RAD51B: variants seen among roughly 807,000 people sequenced by gnomAD.
RAD51B encodes the protein RAD51 paralog B.
A neutral mutation model predicts 42.2 loss-of-function variants in RAD51B; 38 were observed. That is an observed-to-expected ratio of 0.90 (90% CI 0.70 to 1.18). The LOEUF (loss-of-function observed/expected upper bound fraction) is 1.18. Among genes scored for constraint, RAD51B ranks in the 50% most tolerant of loss-of-function variants. The pLI is 0.00. For missense variants in RAD51B, 373 were observed against 400.7 expected, an observed-to-expected ratio of 0.93 and a Z score of 0.59; for synonymous variants, 154 against 145.2, an observed-to-expected ratio of 1.06 and a Z score of -0.43.
Position 68,058,295 on chromosome 14 carries a change from C to A in RAD51B, c.756+171091C>A, listed in dbSNP as rs142172392. Among the ~76,000 whole-genome samples the A allele has an allele frequency of 7.2e-5, 11 of 152,136 alleles. No individual in the cohort carries two copies. In the East Asian group the frequency reaches 2.1e-3, roughly 29 times the overall value. On this transcript the variant is annotated intron_variant, in intron 7 of 10. Transcript: ENST00000471583. ...GTCACATACCTTTGACCCTTTTTGG[C>A]CTTTCCAGTAGAGGCCAACTATAGA...
rs1014942507 is a variant in RAD51B at position 67,935,938 on chromosome 14, CTGTT to C, written c.756+48739_756+48742del. Among the ~76,000 whole-genome samples the C allele has an allele frequency of 7.9e-4, 120 of 152,194 alleles. 1 individual carries two copies. The highest frequency in any genetic ancestry group is 2.9e-3 in the African/African-American group (119 of 41,532). On this transcript the variant is annotated intron_variant, in intron 7 of 10. Transcript: ENST00000471583. ...GAGGATAATGTCAGTAGGCCAACGTCTGTTTGTTGAATGCCAGAACTTTCATATT... is the reference window on the plus strand; with the variant it reads ...GAGGATAATGTCAGTAGGCCAACGTCTGTTGAATGCCAGAACTTTCATATT...
intron 7 of RAD51B, among the ~76,000 whole-genome samples, chr14:68,180,034 C>A (rs2079033087): frequency 6.6e-6 from 1 of 152,086 alleles, no homozygotes; most frequent in African/African-American, 2.4e-5. Context: ...TTTATTCCCC[C>A]CTTGCATTCT....
intron 7 of RAD51B, among the ~76,000 whole-genome samples, chr14:68,006,064 T>C (rs947707179): frequency 3.9e-5 from 6 of 152,142 alleles, no homozygotes; most frequent in African/African-American, 1.4e-4. Flanking sequence ...TGCTAAACCA[T>C]TTATGAAGGA....
intron 7 of RAD51B, among the ~76,000 whole-genome samples, chr14:68,087,103 C>T (rs1196561766): frequency 6.6e-6 from 1 of 151,318 alleles, no homozygotes; most frequent in Non-Finnish European, 1.5e-5. Context: ...CCATTGCACT[C>T]CAACCTGGGC....
chr14:68,298,072 C>T (rs1411201586), intron 8 of RAD51B, among the ~76,000 whole-genome samples: 1 of 152,194 alleles, frequency 6.6e-6, no homozygotes, highest in Non-Finnish European at 1.5e-5. Flanking sequence ...TAGCACTTGA[C>T]TGGGCATATG....
intron 10 of RAD51B, among the ~76,000 whole-genome samples, chr14:68,515,440 CTTCTTTTTTTTTTT>C (rs1032156744): frequency 3.9e-4 from 49 of 124,766 alleles, no homozygotes; most frequent in Non-Finnish European, 5.7e-4. Context: ...TCTTCTTCTT[CTTCTTTTTTTTTTT>C]TTTTTTTTTA....
At chr14:68,489,848 AAAAGT>A (rs1361935636) in intron 10 of RAD51B, among the ~76,000 whole-genome samples, 1 of 152,202 alleles carries the variant, frequency 6.6e-6, no homozygotes, top group Non-Finnish European at 1.5e-5. Context: ...CAACATTCAG[AAAAGT>A]AAAGAAAATA....
At chr14:67,907,483 T>C (rs896289473) in intron 7 of RAD51B, among the ~76,000 whole-genome samples, 16 of 152,138 alleles carry the variant, frequency 1.1e-4, no homozygotes, top group African/African-American at 3.9e-4. Context: ...CTCCATGATG[T>C]CTGAGGCCTC....
intron 7 of RAD51B, among the ~76,000 whole-genome samples, chr14:68,039,685 A>G (rs2076188548): frequency 6.6e-6 from 1 of 152,232 alleles, no homozygotes; most frequent in African/African-American, 2.4e-5. Context: ...CTTCAAGTAC[A>G]TCAGACATTA....
At chr14:67,831,101 G>A (rs1008254392) in intron 3 of RAD51B, among the ~76,000 whole-genome samples, 1 of 151,760 alleles carries the variant, frequency 6.6e-6, no homozygotes, top group Non-Finnish European at 1.5e-5. Flanking sequence ...TCTCGAACTC[G>A]TGACCTCAGG....
At chr14:67,949,882 A>G (rs956901529) in intron 7 of RAD51B, among the ~76,000 whole-genome samples, 4 of 152,180 alleles carry the variant, frequency 2.6e-5, no homozygotes, top group African/African-American at 9.7e-5. Context: ...GGCGTTGTCA[A>G]TGAATTCTTT....
intron 7 of RAD51B, among the ~76,000 whole-genome samples, chr14:68,107,135 C>T (rs1595406160): frequency 6.6e-6 from 1 of 151,912 alleles, no homozygotes; most frequent in African/African-American, 2.4e-5. Flanking sequence ...ACATGCTTGG[C>T]TATGACACAG....
chr14:68,042,958 C>T (rs910203221), intron 7 of RAD51B, among the ~76,000 whole-genome samples: 1 of 152,150 alleles, frequency 6.6e-6, no homozygotes, highest in Non-Finnish European at 1.5e-5. Context: ...GTTCTCAACA[C>T]CCTGTGATTT....
chr14:68,328,794 G>T (rs747384104), intron 8 of RAD51B, among the ~76,000 whole-genome samples: 1 of 152,134 alleles, frequency 6.6e-6, no homozygotes, highest in Non-Finnish European at 1.5e-5. Flanking sequence ...GTAAGCTAGG[G>T]TCACTAAATT....
intron 8 of RAD51B, among the ~76,000 whole-genome samples, chr14:68,409,391 A>C (rs1205799553): frequency 6.6e-6 from 1 of 152,204 alleles, no homozygotes. Flanking sequence ...ATATGCAAGC[A>C]CTTGGCCTCT....
intron 10 of RAD51B, chr14:68,562,164 C>A (rs17829021): frequency 3.0e-6 from 3 of 985,220 alleles, no homozygotes; most frequent in Non-Finnish European, 3.6e-6. Flanking sequence ...GAAGAGGCAA[C>A]GCTTACAACG....
At chr14:67,841,987 AT>A (rs1566918458) in intron 4 of RAD51B, among the ~76,000 whole-genome samples, 1 of 152,178 alleles carries the variant, frequency 6.6e-6, no homozygotes, top group Non-Finnish European at 1.5e-5. Flanking sequence ...GAAATATGCC[AT>A]TTTAACGGTA....
intron 11 of RAD51B, among the ~76,000 whole-genome samples, chr14:68,680,001 C>T (rs1187525618): frequency 1.3e-5 from 2 of 151,992 alleles, no homozygotes; most frequent in East Asian, 1.9e-4. Context: ...ACAACAAAGA[C>T]GCATTTTGGA....
intron 10 of RAD51B, among the ~76,000 whole-genome samples, chr14:68,624,591 C>G (rs1892030030): frequency 6.6e-6 from 1 of 152,106 alleles, no homozygotes; most frequent in South Asian, 2.1e-4. Flanking sequence ...CAGGCAATTA[C>G]CTGGGAACCA....
Sources: gnomAD v4.1 joint callset for allele counts (sites outside exome capture counted in the v4.1 genomes callset) on GRCh38, gnomAD v4.1.1 for gene constraint, MANE v1.5 for transcripts, NCBI Gene and HGNC (gene_info 2026-07-23, HGNC 2026-07-21) for gene names.